BST2: variants seen among roughly 807,000 people sequenced by gnomAD.
BST2 encodes bone marrow stromal antigen 2.
In BST2, 10 loss-of-function variants were observed where a neutral mutation model predicts 18.6. The observed-to-expected ratio is 0.54, with a 90% CI of 0.33 to 0.91. The LOEUF (loss-of-function observed/expected upper bound fraction) is 0.91, where lower values mean the gene tolerates loss of function less well. Among genes scored for constraint, BST2 ranks in the 40% least tolerant of loss-of-function variants. The pLI, the probability that BST2 is intolerant of heterozygous loss-of-function variation, is 0.02. For synonymous variants in BST2, 75 were observed against 96.8 expected (o/e 0.77, Z 1.32); for missense variants, 183 against 228.4 (o/e 0.80, Z 1.28).
intron 1 of BST2, 70 bp downstream of exon 1, chr19:17,405,221 T>G: frequency 6.7e-7 from 1 of 1,498,108 alleles, no homozygotes; most frequent in South Asian, 1.4e-5. Flanking sequence ...CTGGGTCAGA[T>G]TTCTGGGGAG....
In BST2 at chr19:17,403,671, C is replaced by G. The variant is rs2074708916; in HGVS notation, c.*15+9G>C. On this transcript the variant is annotated intron_variant, in intron 4 of 4. Transcript: ENST00000252593. The stretch of plus-strand genomic sequence containing the variant: ...TTCTCCCTCCCGGGGCCGCCCCCTC[C>G]TCACTGACCAGCTTCCTGGGATCTC... 2.5e-6 allele frequency: 4 copies of G among 1,609,428 alleles called. No individual in the cohort carries two copies. Among genetic ancestry groups the G allele is most frequent in the Non-Finnish European group, 3.4e-6 (4 of 1,179,736 alleles).
intron 1 of BST2, 139 bp downstream of exon 1, chr19:17,405,152 T>C: frequency 8.7e-7 from 1 of 1,147,220 alleles, no homozygotes; most frequent in Admixed American, 2.9e-5. Context: ...CTAGGTCCCT[T>C]GATGTGGGGG....
rs1402765804 is a variant in BST2 at position 17,403,766 on chromosome 19, G to C, written c.472C>G (p.Gln158Glu). 6.2e-7 allele frequency: 1 copy of C among 1,613,850 alleles called. No homozygotes were observed. Among genetic ancestry groups the C allele is most frequent in the East Asian group, 2.2e-5 (1 of 44,870 alleles). ...IADKKYYPSS[Q>E]DSSSAAAPQL... Reference sequence around the variant, plus strand: ...GGCGCCGCAGCGGAGCTGGAGTCCTGGGAGCTGGGGTAGTACTTCTTGTCC... The same window carrying C: ...GGCGCCGCAGCGGAGCTGGAGTCCTCGGAGCTGGGGTAGTACTTCTTGTCC... The change falls in exon 4 of 5, where the codon CAG becomes GAG. Residue 158 changes from glutamine to glutamate, a missense_variant. Gln to Glu is a conservative substitution (Grantham distance 29). Transcript: ENST00000252593.
rs956235809 is a variant in BST2 at position 17,403,015 on chromosome 19, A to C, written c.*327T>G. On this transcript the variant is annotated 3_prime_UTR_variant, in exon 5 of 5. Coordinates refer to ENST00000252593, the MANE Select transcript of BST2 (RefSeq NM_004335.4). ...CCCAGAAAAAAGCAACCCCCCCCGC[A>C]AAAAAAACCCATAACAACAGGCAGC... 71 of 973,618 alleles carry C rather than the reference A, an allele frequency of 7.3e-5. No homozygotes were observed. The highest frequency in any genetic ancestry group is 8.3e-5 in the Non-Finnish European group (68 of 821,596). 60.3% of individuals were successfully genotyped at this position (973,618 alleles called of 1,614,324 possible). A position where few individuals can be genotyped will look rare whatever the true frequency, so the allele number is the denominator to read the frequency against.
Position 17,403,325 on chromosome 19 carries a change from G to C in BST2, c.*17C>G. The C allele has an allele frequency of 9.0e-7, 1 of 1,109,994 alleles. No homozygotes were observed. The highest frequency in any genetic ancestry group is 2.2e-5 in the South Asian group (1 of 45,890). 68.8% of individuals were successfully genotyped at this position (1,109,994 alleles called of 1,614,324 possible). A position where few individuals can be genotyped will look rare whatever the true frequency, so the allele number is the denominator to read the frequency against. On this transcript the variant is annotated splice_region_variant and 3_prime_UTR_variant, in exon 5 of 5. Transcript: ENST00000252593. ...GAGCAGGACGGACCTTCCAAGATGT[G>C]CCTAAAGGACCAGAAGAGGGACTCA... is the stretch of plus-strand genomic sequence containing the variant.
At position 17,405,522 on chromosome 19, in the gene BST2, C is replaced by G; in HGVS notation, c.54G>C (p.Lys18Asn). 1.2e-6 allele frequency: 2 copies of G among 1,614,244 alleles called. No homozygotes were observed. The highest frequency in any genetic ancestry group is 1.7e-6 in the Non-Finnish European group (2 of 1,180,032). Residue 18 changes from lysine (K) to asparagine (N), a missense_variant, in exon 1 of 5, where the codon AAG becomes AAC. Physicochemically the swap from Lys to Asn is moderately conservative, Grantham distance 94 (BLOSUM62 0). Coordinates refer to ENST00000252593, the MANE Select transcript of BST2 (RefSeq NM_004335.4). ...YCRVPMEDGD[K>N]RCKLLLGIGI... ...CTATCCCCAGCAGAAGCTTACAGCG[C>G]TTATCCCCGTCTTCCATGGGCACTC...
intron 2 of BST2, 65 bp downstream of exon 2, chr19:17,404,306 G>GGCC: frequency 1.4e-6 from 2 of 1,469,924 alleles, no homozygotes; most frequent in Non-Finnish European, 1.9e-6. Flanking sequence ...TGGTCTCCCT[G>GGCC]CCCCCACCCC....
chr19:17,403,055 C>A lies in BST2; in HGVS notation c.*287G>T, dbSNP rs1320661231. 1.0e-6 allele frequency: 1 copy of A among 984,906 alleles called. No individual in the cohort carries two copies. The highest frequency in any genetic ancestry group is 1.8e-5 in the African/African-American group (1 of 56,924). The allele number at this position is 984,906 out of a possible 1,614,324, so 61.0% of individuals were successfully genotyped here. On this transcript the variant is annotated 3_prime_UTR_variant, in exon 5 of 5. Coordinates refer to ENST00000252593, the MANE Select transcript of BST2 (RefSeq NM_004335.4). ...CAACAGGCAGCACATGCCCCCCACA[C>A]CGCACCCCATGCCCAATCTCAGGGT...
chr19:17,405,332 G>T lies in BST2; in HGVS notation c.244C>A (p.Gln82Lys). ...QELTEAQKGF[Q>K]DVEAQAATCN... ...GTGGCGGCCTGGGCCTCCACATCCTGAAAGCCCTTCTGGGCCTCGGTCAGC... is the reference window on the plus strand; with the variant it reads ...GTGGCGGCCTGGGCCTCCACATCCTTAAAGCCCTTCTGGGCCTCGGTCAGC... Residue 82 changes from glutamine (Q) to lysine (K), a missense_variant, in exon 1 of 5, where the codon CAG becomes AAG. Gln to Lys is a moderately conservative substitution (Grantham distance 53). Coordinates refer to ENST00000252593, the MANE Select transcript of BST2 (RefSeq NM_004335.4). The T allele has an allele frequency of 6.2e-7, 1 of 1,613,874 alleles. No individual in the cohort carries two copies. Among genetic ancestry groups the T allele is most frequent in the Non-Finnish European group, 8.5e-7 (1 of 1,179,868 alleles).
Position 17,403,103 on chromosome 19 carries a change from T to C in BST2, c.*239A>G, listed in dbSNP as rs748224309. The C allele has an allele frequency of 3.1e-4, 304 of 984,494 alleles. No homozygotes were observed. Among genetic ancestry groups the C allele is most frequent in the Non-Finnish European group, 3.5e-4 (293 of 829,954 alleles). The allele number at this position is 984,494 out of a possible 1,614,324, so 61.0% of individuals were successfully genotyped here. On this transcript the variant is annotated 3_prime_UTR_variant, in exon 5 of 5. Coordinates refer to ENST00000252593, the MANE Select transcript of BST2 (RefSeq NM_004335.4). ...GGTGGGAGACAAGAGGGGGGACTCATTGTCCGGAGGGAGGCTCTGGAGGGA... is the reference window on the plus strand; with the variant it reads ...GGTGGGAGACAAGAGGGGGGACTCACTGTCCGGAGGGAGGCTCTGGAGGGA...
rs144978205 is a variant in BST2 at position 17,405,430 on chromosome 19, T to C, written c.146A>G (p.Asn49Ser). Residue 49 changes from asparagine to serine, a missense_variant, in exon 1 of 5, where the codon AAC (asparagine) becomes AGC (serine). Asn to Ser is a conservative substitution (Grantham distance 46). Coordinates refer to ENST00000252593, the MANE Select transcript of BST2 (RefSeq NM_004335.4). ...VPLIIFTIKA[N>S]SEACRDGLRA... ...AAGGCCGTCCCGGCAGGCCTCGCTG[T>C]TGGCCTTGATGGTGAAGATAATCAA... 3.5e-4 allele frequency: 570 copies of C among 1,614,124 alleles called. 1 individual carries two copies. The highest frequency in any genetic ancestry group is 4.5e-4 in the Non-Finnish European group (531 of 1,180,042).
chr19:17,403,856 T>A lies in BST2; in HGVS notation c.414-32A>T, dbSNP rs763483937. 8.1e-6 allele frequency: 13 copies of A among 1,600,774 alleles called. No homozygotes were observed. In the South Asian group the frequency reaches 1.2e-4, roughly 15 times the overall value. On this transcript the variant is annotated intron_variant, in intron 3 of 4. Coordinates refer to ENST00000252593, the MANE Select transcript of BST2 (RefSeq NM_004335.4). ...TACAGATGGCAAATCAGGCATCTGC[T>A]CGTCCTGGCTCCTGCCGCCCTCCCT...
chr19:17,405,606 G>A lies in BST2; in HGVS notation c.-31C>T. ...TCTCCCCTTTAGAGTCTGGCCTGGA[G>A]TTAGGGGAGGGTGCTGGAATCTTCT... On this transcript the variant is annotated 5_prime_UTR_variant, in exon 1 of 5. Transcript: ENST00000252593. 2 of 1,569,640 alleles carry A rather than the reference G, an allele frequency of 1.3e-6. No homozygotes were observed. The highest frequency in any genetic ancestry group is 1.7e-6 in the Non-Finnish European group (2 of 1,154,454).
rs757358539 is a variant in BST2 at position 17,403,779 on chromosome 19, G to C, written c.459C>G (p.Tyr153Ter). ...AGCTGGAGTCCTGGGAGCTGGGGTA[G>C]TACTTCTTGTCCGCGATTCTCACGC... ...VLSVRIADKK[Y>*]YPSSQDSSSA... The change falls in exon 4 of 5, where the codon TAC becomes TAG. Residue 153 changes from tyrosine (Y) to a stop codon, truncating the protein, a stop_gained. Transcript: ENST00000252593. LOFTEE classifies it high-confidence loss of function. 6.2e-7 allele frequency: 1 copy of C among 1,613,994 alleles called. No homozygotes were observed. The highest frequency in any genetic ancestry group is 8.5e-7 in the Non-Finnish European group (1 of 1,179,992).
At chr19:17,404,014 T>C in intron 3 of BST2, 115 bp downstream of exon 3, 1 of 1,368,746 alleles carries the variant, frequency 7.3e-7, no homozygotes, top group Non-Finnish European at 1.0e-6. Context: ...TCAAACTTTA[T>C]CCCTTGGGGC....
intron 4 of BST2, 50 bp downstream of exon 4, chr19:17,403,630 C>G (rs1281412091): frequency 1.9e-6 from 3 of 1,575,152 alleles, no homozygotes; most frequent in Non-Finnish European, 2.6e-6. Context: ...TTCCCCGCCC[C>G]GCTTCCCCAG....
intron 1 of BST2, 127 bp from the exon 2 acceptor site, chr19:17,404,564 A>G: frequency 1.4e-6 from 2 of 1,405,322 alleles, no homozygotes; most frequent in Non-Finnish European, 2.0e-6. Flanking sequence ...GTTTTCTTCC[A>G]ACCCTCTCTG....
At position 17,403,667 on chromosome 19, in the gene BST2, C is replaced by T; in HGVS notation, c.*15+13G>A. ...TTTCTTCTCCCTCCCGGGGCCGCCC[C>T]CTCCTCACTGACCAGCTTCCTGGGA... On this transcript the variant is annotated intron_variant, in intron 4 of 4. Coordinates refer to ENST00000252593, the MANE Select transcript of BST2 (RefSeq NM_004335.4). The T allele has an allele frequency of 6.2e-7, 1 of 1,608,648 alleles. No individual in the cohort carries two copies. Among genetic ancestry groups the T allele is most frequent in the Non-Finnish European group, 8.5e-7 (1 of 1,179,656 alleles).
rs184656901 is a variant in BST2, at chr19:17,404,567, C to G, written c.286-130G>C. On this transcript the variant is annotated intron_variant, in intron 1 of 4. Coordinates refer to ENST00000252593, the MANE Select transcript of BST2 (RefSeq NM_004335.4). ...AACCCCTTTCAGGTTTTCTTCCAAC[C>G]CTCTCTGCACCATGGTCTCCAACCT... 8.0e-5 allele frequency: 108 copies of G among 1,353,294 alleles called. No homozygotes were observed. The African/African-American group carries it at 1.5e-3, about 18-fold the overall frequency. The allele number at this position is 1,353,294 out of a possible 1,614,324, so 83.8% of individuals were successfully genotyped here.
Sources: allele counts gnomAD v4.1 joint callset, GRCh38; gene constraint gnomAD v4.1.1; transcripts MANE v1.5; gene names NCBI Gene and HGNC (gene_info 2026-07-23, HGNC 2026-07-21).